The following ATG7 variants were observed in gnomAD, a reference collection of about 807,000 sequenced individuals.
ATG7 encodes ubiquitin-like modifier-activating enzyme ATG7.
Under a neutral mutation model 82.4 loss-of-function variants are expected in ATG7, and 70 were observed. The observed-to-expected ratio is 0.85, with a 90% CI of 0.70 to 1.04. The LOEUF (loss-of-function observed/expected upper bound fraction) is 1.04. Among genes scored for constraint, ATG7 ranks in the 50% least tolerant of loss-of-function variants. The pLI is 0.00. For missense variants in ATG7, 792 were observed against 864.3 expected, an observed-to-expected ratio of 0.92 and a Z score of 1.05; for synonymous variants, 287 against 313.0, an observed-to-expected ratio of 0.92 and a Z score of 0.88.
chr3:11,427,465 A>G (rs1576338540), intron 20 of ATG7, among the ~76,000 whole-genome samples: 2 of 148,524 alleles, frequency 1.3e-5, no homozygotes, highest in African/African-American at 4.9e-5. Flanking sequence ...TATTTTGCAG[A>G]TCTTAATTTC....
At chr3:11,514,458 C>T (rs1373673593) in intron 20 of ATG7, among the ~76,000 whole-genome samples, 2 of 152,172 alleles carry the variant, frequency 1.3e-5, no homozygotes, top group Non-Finnish European at 2.9e-5. Context: ...GTGATTTTCC[C>T]ACCGGGAGAG....
chr3:11,388,366 A>G (rs939540569), intron 19 of ATG7, among the ~76,000 whole-genome samples: 3 of 151,700 alleles, frequency 2.0e-5, no homozygotes, highest in African/African-American at 7.3e-5. Flanking sequence ...TCCCTCTGCT[A>G]GCAGGGTGCA....
rs1462424818 is a variant in ATG7, at chr3:11,499,231, A to C, written c.2080-55580A>C. Reference sequence around the variant, plus strand: ...GACTACACAGCTTCCCAAACCTTGAAGTCAGATGAGACATTGCCACATTCC... The same window carrying C: ...GACTACACAGCTTCCCAAACCTTGACGTCAGATGAGACATTGCCACATTCC... On this transcript the variant is annotated intron_variant, in intron 20 of 20. Transcript: ENST00000693202. Among the ~76,000 whole-genome samples, 7 of 136,688 alleles carry C rather than the reference A, an allele frequency of 5.1e-5. No individual in the cohort carries two copies. In the East Asian group the frequency reaches 1.6e-3, roughly 31 times the overall value. The allele number at this position is 136,688 out of a possible 152,430, so 89.7% of individuals were successfully genotyped here. A position where few individuals can be genotyped will look rare whatever the true frequency, so the allele number is the denominator to read the frequency against.
At chr3:11,453,019 C>T (rs1010369116) in intron 20 of ATG7, among the ~76,000 whole-genome samples, 2 of 152,166 alleles carry the variant, frequency 1.3e-5, no homozygotes, top group African/African-American at 4.8e-5. Context: ...TGTTAAAACC[C>T]GGAAAGGGTA....
rs566074226 is a variant in ATG7, at chr3:11,441,872, G to A, written c.2079+14946G>A. On this transcript the variant is annotated intron_variant, in intron 20 of 20. Coordinates refer to ENST00000693202, the MANE Select transcript of ATG7 (RefSeq NM_001349232.2). Reference sequence around the variant, plus strand: ...AGTAGACACAGGTTTCACCATGTTGGCCAAGCTGGTCTTGAACTCTTGACC... The same window carrying A: ...AGTAGACACAGGTTTCACCATGTTGACCAAGCTGGTCTTGAACTCTTGACC... Among the ~76,000 whole-genome samples, 9 of 151,582 alleles carry A rather than the reference G, an allele frequency of 5.9e-5. No individual in the cohort carries two copies. The South Asian group carries it at 1.9e-3, about 32-fold the overall frequency.
intron 18 of ATG7, 107 bp from the exon 19 acceptor site, chr3:11,379,865 G>C: frequency 9.4e-7 from 1 of 1,066,598 alleles, no homozygotes. Context: ...CTCTTTCCGG[G>C]CCGCCATATT....
At chr3:11,458,834 A>C (rs2086016251) in intron 20 of ATG7, among the ~76,000 whole-genome samples, 1 of 152,192 alleles carries the variant, frequency 6.6e-6, no homozygotes, top group African/African-American at 2.4e-5. Flanking sequence ...CCGATCGCGC[A>C]GCTGTAGGTG....
At chr3:11,549,891 G>T (rs2071617861) in intron 20 of ATG7, among the ~76,000 whole-genome samples, 1 of 152,266 alleles carries the variant, frequency 6.6e-6, no homozygotes, top group East Asian at 1.9e-4. Flanking sequence ...ACAGACATCG[G>T]GCATCGCTGG....
At chr3:11,278,483 C>G (rs77207623) in intron 1 of ATG7, among the ~76,000 whole-genome samples, 6,423 of 152,308 alleles carry the variant, frequency 0.042, 161 homozygotes, top group African/African-American at 0.065. Context: ...CAACAGAACT[C>G]ATTTGTATTT....
At chr3:11,473,520 C>A (rs1179349052) in intron 20 of ATG7, among the ~76,000 whole-genome samples, 1 of 152,146 alleles carries the variant, frequency 6.6e-6, no homozygotes, top group African/African-American at 2.4e-5. Context: ...TCTGAGTCTA[C>A]TAACCCTGAA....
At chr3:11,421,491 C>T (rs1260202435) in intron 19 of ATG7, among the ~76,000 whole-genome samples, 1 of 152,158 alleles carries the variant, frequency 6.6e-6, no homozygotes, top group Non-Finnish European at 1.5e-5. Context: ...CAAGTTTGAT[C>T]CTGAGATTGC....
At chr3:11,445,781 T>C (rs1283516678) in intron 20 of ATG7, among the ~76,000 whole-genome samples, 1 of 152,230 alleles carries the variant, frequency 6.6e-6, no homozygotes, top group African/African-American at 2.4e-5. Flanking sequence ...TATGGTAGTT[T>C]CTGTGGTCCC....
chr3:11,361,553 G>A (rs2076285985), intron 16 of ATG7, among the ~76,000 whole-genome samples: 1 of 152,148 alleles, frequency 6.6e-6, no homozygotes, highest in South Asian at 2.1e-4. Flanking sequence ...AAAGTGCTGG[G>A]ATTACAGGTG....
intron 3 of ATG7, among the ~76,000 whole-genome samples, chr3:11,290,029 A>G (rs1346876827): frequency 6.6e-6 from 1 of 152,200 alleles, no homozygotes; most frequent in Non-Finnish European, 1.5e-5. Context: ...GTTTTCTCAC[A>G]TCCTGGTAGC....
At chr3:11,527,041 ATG>A (rs370131709) in intron 20 of ATG7, among the ~76,000 whole-genome samples, 4,791 of 138,058 alleles carry the variant, frequency 0.035, 101 homozygotes, top group African/African-American at 0.045. Context: ...GTGTGTATAT[ATG>A]TGTGTGTGTG....
In ATG7 at chr3:11,443,128, AG is replaced by A. The variant is rs2084163720; in HGVS notation, c.2079+16204del. On this transcript the variant is annotated intron_variant, in intron 20 of 20. Coordinates refer to ENST00000693202, the MANE Select transcript of ATG7 (RefSeq NM_001349232.2). Reference sequence around the variant, plus strand: ...GACAGCTGAACATGGCCTCTTCTCCAGGTGTCGCCATGCACTCCCTCTGGGC... The same window carrying A: ...GACAGCTGAACATGGCCTCTTCTCCAGTGTCGCCATGCACTCCCTCTGGGC... Among the ~76,000 whole-genome samples, 3 of 152,178 alleles carry A rather than the reference AG, an allele frequency of 2.0e-5. No individual in the cohort carries two copies. In the South Asian group the frequency reaches 6.2e-4, roughly 32 times the overall value.
At chr3:11,512,024 C>A (rs2092090048) in intron 20 of ATG7, among the ~76,000 whole-genome samples, 1 of 152,196 alleles carries the variant, frequency 6.6e-6, no homozygotes, top group Non-Finnish European at 1.5e-5. Flanking sequence ...CAGCCTTGGC[C>A]AGCCCAGAAA....
At chr3:11,436,851 GAGTTTTAA>G (rs1301991173) in intron 20 of ATG7, among the ~76,000 whole-genome samples, 4 of 152,198 alleles carry the variant, frequency 2.6e-5, no homozygotes, top group South Asian at 2.1e-4. Flanking sequence ...GAAATGTCCA[GAGTTTTAA>G]AGTCCATATA....
At chr3:11,456,059 T>A (rs778122545) in intron 20 of ATG7, among the ~76,000 whole-genome samples, 3 of 152,212 alleles carry the variant, frequency 2.0e-5, no homozygotes, top group Non-Finnish European at 4.4e-5. Context: ...TTCAGAGTTG[T>A]GTAACCGTCA....
Sources: allele counts gnomAD v4.1 joint callset (sites outside exome capture counted in the v4.1 genomes callset), GRCh38; gene constraint gnomAD v4.1.1; transcripts MANE v1.5; gene names NCBI Gene and HGNC (gene_info 2026-07-23, HGNC 2026-07-21).